RIPK1: variants seen among roughly 807,000 people sequenced by gnomAD.
RIPK1 encodes the protein receptor interacting serine/threonine kinase 1, also known as receptor-interacting serine/threonine-protein kinase 1.
RIPK1 carries 27 observed loss-of-function variants against 62.4 expected under a neutral mutation model. The observed-to-expected ratio is 0.43, with a 90% CI of 0.32 to 0.60. The LOEUF (loss-of-function observed/expected upper bound fraction) is 0.60. Among genes scored for constraint, RIPK1 ranks in the 20% least tolerant of loss-of-function variants. The pLI is 0.07. For missense variants in RIPK1, 735 were observed against 831.0 expected, an observed-to-expected ratio of 0.88 and a Z score of 1.42; for synonymous variants, 287 against 303.2, an observed-to-expected ratio of 0.95 and a Z score of 0.55.
Position 3,072,257 on chromosome 6 carries a change from G to A in RIPK1, c.-61+3596G>A, listed in dbSNP as rs1013460308. Among the ~76,000 whole-genome samples, 1 of 152,096 alleles carries A rather than the reference G, an allele frequency of 6.6e-6. No homozygotes were observed. Among genetic ancestry groups the A allele is most frequent in the African/African-American group, 2.4e-5 (1 of 41,398 alleles). Reference sequence around the variant, plus strand: ...ATTTTACATTTAATTCATGTCTATTGTGGAAAATTTGGAAAACATAGTAAA... The same window carrying A: ...ATTTTACATTTAATTCATGTCTATTATGGAAAATTTGGAAAACATAGTAAA... On this transcript the variant is annotated intron_variant, in intron 1 of 10. Coordinates refer to ENST00000259808, the MANE Select transcript of RIPK1 (RefSeq NM_001354930.2). This position sits in a 1 kb window ranked among gnomAD's most constrained non-coding sequence, Gnocchi z 5.6.
intron 5 of RIPK1, among the ~76,000 whole-genome samples, chr6:3,083,641 C>G (rs1390490998): frequency 1.3e-5 from 2 of 152,134 alleles, no homozygotes; most frequent in Non-Finnish European, 2.9e-5. Context: ...ACTGTGGGCA[C>G]TTGAGTCGGC....
At chr6:3,073,213 G>C (rs564278628) in intron 1 of RIPK1, among the ~76,000 whole-genome samples, 1 of 138,918 alleles carries the variant, frequency 7.2e-6, no homozygotes, top group Admixed American at 7.2e-5. Context: ...ATACAAATAT[G>C]TGTATATATA....
At position 3,105,589 on chromosome 6, in the gene RIPK1, C is replaced by T. The variant is rs749361048; in HGVS notation, c.1114C>T (p.Pro372Ser). The change falls in exon 9 of 11, where the codon CCC becomes TCC. Residue 372 changes from proline (P) to serine (S), a missense_variant. Physicochemically the swap from Pro to Ser is moderately conservative, Grantham distance 74. Transcript: ENST00000259808. The surrounding 1 kb of genome is among the most constrained non-coding windows in gnomAD (Gnocchi z 4.5). ...GGAGCACCCACAAGAAGAGAATGAG[C>T]CCAGCCTGCAGAGTAAACTCCAAGA... ...SLEHPQEENEPSLQSKLQDEA... is the reference protein window; with the variant it reads ...SLEHPQEENESSLQSKLQDEA... 8 of 1,613,948 alleles carry T rather than the reference C, an allele frequency of 5.0e-6. No individual in the cohort carries two copies. In the Admixed American group the frequency reaches 1.2e-4, roughly 24 times the overall value.
In RIPK1 at chr6:3,105,450, C is replaced by T. The variant is rs1484033876; in HGVS notation, c.1007-32C>T. ...TATTTTACTTTTTAATGTTTCATGA[C>T]ACCCATTCTAATGTTGATCATTTCT... is the stretch of plus-strand genomic sequence containing the variant. On this transcript the variant is annotated intron_variant, in intron 8 of 10. Transcript: ENST00000259808. The surrounding 1 kb of genome is among the most constrained non-coding windows in gnomAD (Gnocchi z 4.5). The T allele has an allele frequency of 6.9e-7, 1 of 1,442,666 alleles. No individual in the cohort carries two copies. Among genetic ancestry groups the T allele is most frequent in the Non-Finnish European group, 9.4e-7 (1 of 1,067,666 alleles). The allele number at this position is 1,442,666 out of a possible 1,614,324, so 89.4% of individuals were successfully genotyped here.
Position 3,076,876 on chromosome 6 carries a change from T to G in RIPK1, c.53T>G (p.Leu18Arg). The G allele has an allele frequency of 2.5e-6, 4 of 1,612,138 alleles. No homozygotes were observed. Among genetic ancestry groups the G allele is most frequent in the Non-Finnish European group, 3.4e-6 (4 of 1,178,652 alleles). ...NVIKMKSSDF[L>R]ESAELDSGGF... is the part of the protein sequence containing the mutation. Reference sequence around the variant, plus strand: ...ATTAAGATGAAATCCAGTGACTTCCTGGAGAGTGCAGAACTGGACAGCGGA... The same window carrying G: ...ATTAAGATGAAATCCAGTGACTTCCGGGAGAGTGCAGAACTGGACAGCGGA... Residue 18 changes from leucine to arginine, a missense_variant, in exon 2 of 11, where the codon CTG becomes CGG. Transcript: ENST00000259808.
upstream of RIPK1, among the ~76,000 whole-genome samples, chr6:3,067,688 T>C (rs1199924411): frequency 1.3e-5 from 2 of 152,144 alleles, no homozygotes; most frequent in African/African-American, 4.8e-5. Flanking sequence ...GTTGTGAACG[T>C]GGCTAGTTCT....
In RIPK1 at chr6:3,113,445, T is replaced by A. The variant is rs17548601; in HGVS notation, c.*106T>A. 248 of 1,084,996 alleles carry A rather than the reference T, an allele frequency of 2.3e-4. No individual in the cohort carries two copies. The African/African-American group carries it at 3.6e-3, about 16-fold the overall frequency. 67.2% of individuals were successfully genotyped at this position (1,084,996 alleles called of 1,614,324 possible). On this transcript the variant is annotated 3_prime_UTR_variant, in exon 11 of 11. Transcript: ENST00000259808. This position sits in a 1 kb window ranked among gnomAD's most constrained non-coding sequence, Gnocchi z 5.0. ...GAATTCTGTCCTCACTGATAGGGGT[T>A]CTGTGTCTGCAGAAATTTTGTTTCC...
rs769415041 is a variant in RIPK1, at chr6:3,105,902, C to G, written c.1427C>G (p.Thr476Arg). Residue 476 changes from threonine (T) to arginine (R), a missense_variant, in exon 9 of 11, where the codon ACA (threonine) becomes AGA (arginine). Around this residue, in one of 2 missense-constraint regions of RIPK1, gnomAD observed 671 missense variants for 726.2 expected, o/e 0.92. Transcript: ENST00000259808. The surrounding 1 kb of genome is among the most constrained non-coding windows in gnomAD (Gnocchi z 4.5). ...NGLYSSHGFG[T>R]RPLDPGTAGP... ...TTATATAGCTCACATGGCTTTGGAA[C>G]AAGACCACTGGATCCAGGAACAGCA... 37 of 1,614,150 alleles carry G rather than the reference C, an allele frequency of 2.3e-5. No homozygotes were observed. Among genetic ancestry groups the G allele is most frequent in the Non-Finnish European group, 3.1e-5 (36 of 1,180,030 alleles).
chr6:3,108,687 G>C (rs74626409), intron 9 of RIPK1, among the ~76,000 whole-genome samples: 1 of 152,202 alleles, frequency 6.6e-6, no homozygotes, highest in Non-Finnish European at 1.5e-5. Flanking sequence ...AGAACACCTA[G>C]ACAGCCTTGA....
chr6:3,098,486 A>G (rs975942679), intron 7 of RIPK1, among the ~76,000 whole-genome samples: 1 of 152,236 alleles, frequency 6.6e-6, no homozygotes, highest in Non-Finnish European at 1.5e-5. Flanking sequence ...AATAAATCCA[A>G]ATAAACAGTG....
chr6:3,110,262 A>C (rs922837040), intron 9 of RIPK1, among the ~76,000 whole-genome samples: 73 of 140,884 alleles, frequency 5.2e-4, no homozygotes, highest in South Asian at 8.9e-4. Context: ...GCTGGAGTGC[A>C]GTGGCACGAT....
chr6:3,113,028 C>A lies in RIPK1; in HGVS notation c.1730-25C>A. On this transcript the variant is annotated intron_variant, in intron 10 of 10. Coordinates refer to ENST00000259808, the MANE Select transcript of RIPK1 (RefSeq NM_001354930.2). The surrounding 1 kb of genome is among the most constrained non-coding windows in gnomAD (Gnocchi z 5.0). ...TGTTTGAATGGGTTTTAGCTTGATA[C>A]CTTCTTCTTTTTCCCATTTGGCAGA... is the stretch of plus-strand genomic sequence containing the variant. The A allele has an allele frequency of 6.6e-7, 1 of 1,512,784 alleles. No individual in the cohort carries two copies. Among genetic ancestry groups the A allele is most frequent in the South Asian group, 1.4e-5 (1 of 73,450 alleles). 93.7% of individuals were successfully genotyped at this position (1,512,784 alleles called of 1,614,324 possible).
At chr6:3,102,151 T>G (rs995444374) in intron 7 of RIPK1, among the ~76,000 whole-genome samples, 7 of 152,350 alleles carry the variant, frequency 4.6e-5, no homozygotes, top group African/African-American at 1.7e-4. Context: ...TTCCATCATA[T>G]GGATATACAG....
rs1166209552 is a variant in RIPK1, at chr6:3,115,180, TACC to T, written c.*1844_*1846del. 1 of 152,178 alleles carries T rather than the reference TACC, an allele frequency of 6.6e-6. No individual in the cohort carries two copies. The highest frequency in any genetic ancestry group is 1.5e-5 in the Non-Finnish European group (1 of 68,016). The allele number at this position is 152,178 out of a possible 1,614,324, so 9.4% of individuals were successfully genotyped here. A position where few individuals can be genotyped will look rare whatever the true frequency, so the allele number is the denominator to read the frequency against. On this transcript the variant is annotated 3_prime_UTR_variant, in exon 11 of 11. Transcript: ENST00000259808. ...TAACACTTTTTAAAATAAAAATTTA[TACC>T]ACAACTTTAGGCTATTGATGTGATG...
At chr6:3,075,775 G>A (rs998473883) in intron 1 of RIPK1, among the ~76,000 whole-genome samples, 2 of 151,896 alleles carry the variant, frequency 1.3e-5, no homozygotes, top group South Asian at 2.1e-4. Context: ...TAGTTTAGGC[G>A]ATCCTCTCAA....
intron 8 of RIPK1, among the ~76,000 whole-genome samples, chr6:3,104,800 C>T (rs529270879): frequency 2.0e-5 from 3 of 152,292 alleles, no homozygotes; most frequent in African/African-American, 7.2e-5. Flanking sequence ...TGCTCCTCCT[C>T]TCATAGGGCT....
Position 3,097,279 on chromosome 6 carries a change from T to A in RIPK1, c.916-6946T>A, listed in dbSNP as rs111583591. 5.3e-3 allele frequency among the ~76,000 whole-genome samples: 802 copies of A among 152,272 alleles called. 7 individuals are homozygous for A. Among genetic ancestry groups the A allele is most frequent in the African/African-American group, 0.019 (785 of 41,548 alleles). The stretch of plus-strand genomic sequence containing the variant: ...TGAAAAGGTAAAGAAGAGAATAAGA[T>A]CAGCCAGGATGCCCTTGAAGAAGGA... On this transcript the variant is annotated intron_variant, in intron 7 of 10. Coordinates refer to ENST00000259808, the MANE Select transcript of RIPK1 (RefSeq NM_001354930.2).
chr6:3,087,664 C>T (rs182736744), intron 6 of RIPK1, among the ~76,000 whole-genome samples: 203 of 152,042 alleles, frequency 1.3e-3, no homozygotes, highest in African/African-American at 4.6e-3. Flanking sequence ...CTCAGCCTCC[C>T]GAGTAGCTGG....
Position 3,104,152 on chromosome 6 carries a change from C to T in RIPK1, c.916-73C>T, listed in dbSNP as rs148924234. Reference sequence around the variant, plus strand: ...TTTCTACCTTCTGAAAATATGAATTCTTCTCGTTAAAATTTTCTGGGACTC... The same window carrying T: ...TTTCTACCTTCTGAAAATATGAATTTTTCTCGTTAAAATTTTCTGGGACTC... On this transcript the variant is annotated intron_variant, in intron 7 of 10. Coordinates refer to ENST00000259808, the MANE Select transcript of RIPK1 (RefSeq NM_001354930.2). 5.5e-4 allele frequency: 352 copies of T among 642,310 alleles called. No individual in the cohort carries two copies. In the African/African-American group the frequency reaches 6.1e-3, roughly 11 times the overall value. The allele number at this position is 642,310 out of a possible 1,614,324, so 39.8% of individuals were successfully genotyped here. A position where few individuals can be genotyped will look rare whatever the true frequency, so the allele number is the denominator to read the frequency against.
Sources: gnomAD v4.1 joint callset for allele counts (sites outside exome capture counted in the v4.1 genomes callset) on GRCh38, gnomAD v4.1.1 for gene constraint, gnomAD v4.1.1 regional missense constraint, Gnocchi (gnomAD v3.1) non-coding constraint, MANE v1.5 for transcripts, NCBI Gene and HGNC (gene_info 2026-07-23, HGNC 2026-07-21) for gene names.